Variants in EGLN1 observed in about 807,000 individuals in gnomAD.
The protein encoded by EGLN1 is egl-9 family hypoxia inducible factor 1.
Under a neutral mutation model 38.3 loss-of-function variants are expected in EGLN1, and 17 were observed. The observed-to-expected ratio is 0.44, with a 90% CI of 0.30 to 0.67. The LOEUF is 0.67. Ranked by LOEUF, EGLN1 falls within the 30% of genes least tolerant of loss-of-function variation. The probability of loss-of-function intolerance (pLI) is 0.08; values close to 1 mark genes in which losing one functional copy is unlikely to be tolerated. For synonymous variants in EGLN1, 283 were observed against 257.5 expected (o/e 1.10, Z -0.95); for missense variants, 477 against 603.3 (o/e 0.79, Z 2.19).
At chr1:231,411,668 C>T (rs566534690) in intron 1 of EGLN1, among the ~76,000 whole-genome samples, 141 of 152,096 alleles carry the variant, frequency 9.3e-4, no homozygotes, top group Non-Finnish European at 1.8e-3. Flanking sequence ...CCCTCTCTCA[C>T]TTTAGAATCA....
In EGLN1 at chr1:231,364,049, C is replaced by T. The variant is rs531672374; in HGVS notation, c.*2362G>A. 2 of 152,264 alleles carry T rather than the reference C, an allele frequency of 1.3e-5. No homozygotes were observed. The highest frequency in any genetic ancestry group is 4.1e-4 in the South Asian group (2 of 4,824). 9.4% of individuals were successfully genotyped at this position (152,264 alleles called of 1,614,324 possible). On this transcript the variant is annotated 3_prime_UTR_variant, in exon 5 of 5. Transcript: ENST00000366641. Reference sequence around the variant, plus strand: ...TCCTGCTTGGTGACAAGTTAATAGTCCCACTAACATGAAATGAATGGATAT... The same window carrying T: ...TCCTGCTTGGTGACAAGTTAATAGTTCCACTAACATGAAATGAATGGATAT...
intron 1 of EGLN1, among the ~76,000 whole-genome samples, chr1:231,379,011 T>C (rs750697125): frequency 2.6e-5 from 4 of 152,090 alleles, no homozygotes; most frequent in Non-Finnish European, 5.9e-5. Context: ...CAGCAAACCT[T>C]AGGTAGGCAC....
intron 1 of EGLN1, among the ~76,000 whole-genome samples, chr1:231,404,630 T>A (rs1016054334): frequency 6.6e-6 from 1 of 152,104 alleles, no homozygotes; most frequent in African/African-American, 2.4e-5. Context: ...AAATTTTTTT[T>A]TAAAGAATAA....
Position 231,421,496 on chromosome 1 carries a change from G to A in EGLN1, c.393C>T (p.Ala131=), listed in dbSNP as rs992116552. The A allele has an allele frequency of 3.0e-6, 4 of 1,343,620 alleles. No homozygotes were observed. Among genetic ancestry groups the A allele is most frequent in the South Asian group, 2.2e-5 (1 of 45,472 alleles). 83.2% of individuals were successfully genotyped at this position (1,343,620 alleles called of 1,614,324 possible). A position where few individuals can be genotyped will look rare whatever the true frequency, so the allele number is the denominator to read the frequency against. The change falls in exon 1 of 5, where the codon GCC becomes GCT. Residue 131 remains alanine (A), a synonymous_variant. Coordinates refer to ENST00000366641, the MANE Select transcript of EGLN1 (RefSeq NM_022051.3). The surrounding 1 kb of genome is among the most constrained non-coding windows in gnomAD (Gnocchi z 5.5). ...CAGCCACCGCCGAGCCCTGGCCGCC[G>A]GCGGCCGCACGACACGGCGACGCGG... ...AAAASPCRAA[A]GGQGSAVAAE...
intron 1 of EGLN1, among the ~76,000 whole-genome samples, chr1:231,405,539 A>G (rs1688767393): frequency 6.6e-6 from 1 of 152,118 alleles, no homozygotes; most frequent in African/African-American, 2.4e-5. Flanking sequence ...CTCTTCTGTT[A>G]ATTAGGTCAG....
At chr1:231,398,477 T>G (rs1688586850) in intron 1 of EGLN1, among the ~76,000 whole-genome samples, 1 of 152,230 alleles carries the variant, frequency 6.6e-6, no homozygotes, top group Non-Finnish European at 1.5e-5. Context: ...CACCCATTTT[T>G]GTAAATAAAG....
intron 1 of EGLN1, among the ~76,000 whole-genome samples, chr1:231,390,665 C>T (rs113695706): frequency 3.3e-5 from 5 of 152,222 alleles, no homozygotes; most frequent in African/African-American, 7.2e-5. Context: ...TAGATTGAAG[C>T]GATTCAATAA....
intron 2 of EGLN1, 34 bp from the exon 3 acceptor site, chr1:231,370,732 AC>A (rs766149641): frequency 1.9e-6 from 3 of 1,613,050 alleles, no homozygotes; most frequent in Non-Finnish European, 2.5e-6. Flanking sequence ...AGCAGGAGTA[AC>A]CAAAAATGCT....
chr1:231,417,856 T>C (rs750926649), intron 1 of EGLN1, among the ~76,000 whole-genome samples: 1 of 152,224 alleles, frequency 6.6e-6, no homozygotes, highest in Non-Finnish European at 1.5e-5. Flanking sequence ...CTGATTACCA[T>C]GCCCTGACAT....
At chr1:231,375,395 T>C (rs1558380270) in intron 1 of EGLN1, among the ~76,000 whole-genome samples, 1 of 152,216 alleles carries the variant, frequency 6.6e-6, no homozygotes. Context: ...TATTTCTTCA[T>C]ATAATAAAGT....
At chr1:231,380,480 A>C (rs1457372100) in intron 1 of EGLN1, among the ~76,000 whole-genome samples, 1 of 135,596 alleles carries the variant, frequency 7.4e-6, no homozygotes, top group Non-Finnish European at 1.6e-5. Flanking sequence ...ATATATTTTA[A>C]AAAGACATAT....
chr1:231,413,882 CTT>C (rs1468360882), intron 1 of EGLN1, among the ~76,000 whole-genome samples: 1 of 151,078 alleles, frequency 6.6e-6, no homozygotes, highest in Non-Finnish European at 1.5e-5. Context: ...CTCATGAAAA[CTT>C]TATGGGGATC....
intron 1 of EGLN1, among the ~76,000 whole-genome samples, chr1:231,414,661 T>C (rs1365834855): frequency 1.3e-5 from 2 of 150,712 alleles, no homozygotes; most frequent in African/African-American, 2.4e-5. Context: ...GAGAAGAAAG[T>C]CTCGAATGTT....
intron 1 of EGLN1, among the ~76,000 whole-genome samples, chr1:231,382,042 T>C (rs1688090377): frequency 6.6e-6 from 1 of 152,216 alleles, no homozygotes; most frequent in Admixed American, 6.5e-5. Context: ...CTTGCTATAT[T>C]ATTAATATAA....
At chr1:231,401,455 AT>A (rs1450760901) in intron 1 of EGLN1, among the ~76,000 whole-genome samples, 1 of 152,166 alleles carries the variant, frequency 6.6e-6, no homozygotes, top group Non-Finnish European at 1.5e-5. Flanking sequence ...TAGTCTAGAA[AT>A]TTTTCTTACA....
At chr1:231,413,832 G>A (rs561643015) in intron 1 of EGLN1, among the ~76,000 whole-genome samples, 3 of 152,198 alleles carry the variant, frequency 2.0e-5, no homozygotes, top group African/African-American at 7.2e-5. Flanking sequence ...GTAAAGAAAT[G>A]GGACCTGGAA....
At chr1:231,406,782 C>G (rs1337355527) in intron 1 of EGLN1, among the ~76,000 whole-genome samples, 1 of 151,950 alleles carries the variant, frequency 6.6e-6, no homozygotes, top group East Asian at 2.0e-4. Flanking sequence ...AGAAAGTGCA[C>G]CGCTCCCACT....
chr1:231,420,887 G>A, intron 1 of EGLN1, 111 bp downstream of exon 1: 3 of 1,601,830 alleles, frequency 1.9e-6, no homozygotes, highest in South Asian at 1.1e-5. Flanking sequence ...GAAAGAGCGA[G>A]TCCCTTCTAT....
rs375627671 is a variant in EGLN1 at position 231,376,000 on chromosome 1, GTCAC to G, written c.892-1905_892-1902del. On this transcript the variant is annotated intron_variant, in intron 1 of 4. Coordinates refer to ENST00000366641, the MANE Select transcript of EGLN1 (RefSeq NM_022051.3). ...AGAAGGAAGGGGAAAATATTTGTCAGTCACTCACCCCATCACATCCCATATATCC... is the reference window on the plus strand; with the variant it reads ...AGAAGGAAGGGGAAAATATTTGTCAGTCACCCCATCACATCCCATATATCC... Among the ~76,000 whole-genome samples, 29 of 152,282 alleles carry G rather than the reference GTCAC, an allele frequency of 1.9e-4. 1 individual carries two copies. In the East Asian group the frequency reaches 5.4e-3, roughly 28 times the overall value.
Sources: gnomAD v4.1 joint callset for allele counts (sites outside exome capture counted in the v4.1 genomes callset) on GRCh38, gnomAD v4.1.1 for gene constraint, Gnocchi (gnomAD v3.1) non-coding constraint, MANE v1.5 for transcripts, NCBI Gene and HGNC (gene_info 2026-07-23, HGNC 2026-07-21) for gene names.